STAT1: variants seen among roughly 807,000 people sequenced by gnomAD.
STAT1 encodes signal transducer and activator of transcription 1.
In STAT1, 24 loss-of-function variants were observed where a neutral mutation model predicts 111.7. That is an observed-to-expected ratio of 0.21 (90% confidence interval 0.16 to 0.30). The LOEUF (loss-of-function observed/expected upper bound fraction) is 0.30. Among genes scored for constraint, STAT1 ranks in the 10% least tolerant of loss-of-function variants. The pLI, the probability that STAT1 is intolerant of heterozygous loss-of-function variation, is 1.00. For missense variants in STAT1, 351 were observed against 911.9 expected (o/e 0.38, Z 7.92); for synonymous variants, 332 against 326.5 (o/e 1.02, Z -0.18).
In STAT1 at chr2:190,971,736, G is replaced by A. The variant is rs941439588; in HGVS notation, c.2239-1019C>T. 6.6e-6 allele frequency among the ~76,000 whole-genome samples: 1 copy of A among 150,960 alleles called. No homozygotes were observed. Among genetic ancestry groups the A allele is most frequent in the Non-Finnish European group, 1.5e-5 (1 of 67,818 alleles). Reference sequence around the variant, plus strand: ...TCTTTTTTTTTTTCAAATTGGAGACGGAGTCTTCCTCTGTTGCCCAGACTG... The same window carrying A: ...TCTTTTTTTTTTTCAAATTGGAGACAGAGTCTTCCTCTGTTGCCCAGACTG... On this transcript the variant is annotated intron_variant, in intron 24 of 24. Transcript: ENST00000361099. The surrounding 1 kb of genome is among the most constrained non-coding windows in gnomAD (Gnocchi z 4.1).
rs537274945 is a variant in STAT1 at position 190,986,638 on chromosome 2, A to G, written c.1221+216T>C. Among the ~76,000 whole-genome samples, 2 of 152,366 alleles carry G rather than the reference A, an allele frequency of 1.3e-5. No individual in the cohort carries two copies. Among genetic ancestry groups the G allele is most frequent in the South Asian group, 4.1e-4 (2 of 4,830 alleles). ...CAGGCTTAGGAAATATTTTTACTGC[A>G]AGTGATACAGCCCAGAAAACAGAGT... On this transcript the variant is annotated intron_variant, in intron 14 of 24. Transcript: ENST00000361099. The surrounding 1 kb of genome is among the most constrained non-coding windows in gnomAD (Gnocchi z 5.0).
rs897266115 is a variant in STAT1 at position 191,007,335 on chromosome 2, A to G, written c.372+228T>C. Among the ~76,000 whole-genome samples the G allele has an allele frequency of 6.6e-6, 1 of 152,184 alleles. No individual in the cohort carries two copies. The highest frequency in any genetic ancestry group is 2.4e-5 in the African/African-American group (1 of 41,430). ...TTCTCAGCACTTTATGCTACCCAGA[A>G]GTATCTTGTTTATATGTTCTCTCTC... On this transcript the variant is annotated intron_variant, in intron 5 of 24. Coordinates refer to ENST00000361099, the MANE Select transcript of STAT1 (RefSeq NM_007315.4). This position sits in a 1 kb window ranked among gnomAD's most constrained non-coding sequence, Gnocchi z 4.2.
At chr2:191,008,942 A>C in intron 4 of STAT1, 21 bp downstream of exon 4, 2 of 1,612,696 alleles carry the variant, frequency 1.2e-6, no homozygotes, top group Non-Finnish European at 1.7e-6. Flanking sequence ...TTTCAACTAA[A>C]ATACAAAAAC....
chr2:190,976,765 G>T lies in STAT1; in HGVS notation c.2059+75C>A. 2 of 1,311,898 alleles carry T rather than the reference G, an allele frequency of 1.5e-6. No homozygotes were observed. Among genetic ancestry groups the T allele is most frequent in the Admixed American group, 3.4e-5 (2 of 58,772 alleles). 81.3% of individuals were successfully genotyped at this position (1,311,898 alleles called of 1,614,324 possible). On this transcript the variant is annotated intron_variant, in intron 22 of 24. Transcript: ENST00000361099. The surrounding 1 kb of genome is among the most constrained non-coding windows in gnomAD (Gnocchi z 6.0). ...AATTCGAAAGCAAAACACTGCATGG[G>T]TGGAGTTTCAGAATAATCACCCCCT...
At position 191,006,461 on chromosome 2, in the gene STAT1, G is replaced by A. The variant is rs1694708433; in HGVS notation, c.372+1102C>T. The stretch of plus-strand genomic sequence containing the variant: ...GAACTATACGCCTAGGGAAGTGACA[G>A]GATTACAAGGACTGGGACAAATGCT... On this transcript the variant is annotated intron_variant, in intron 5 of 24. Transcript: ENST00000361099. The surrounding 1 kb of genome is among the most constrained non-coding windows in gnomAD (Gnocchi z 4.6). 6.6e-6 allele frequency among the ~76,000 whole-genome samples: 1 copy of A among 152,214 alleles called. No homozygotes were observed. Among genetic ancestry groups the A allele is most frequent in the Non-Finnish European group, 1.5e-5 (1 of 68,030 alleles).
At chr2:190,972,751 T>C (rs1691596392) in intron 24 of STAT1, among the ~76,000 whole-genome samples, 1 of 151,654 alleles carries the variant, frequency 6.6e-6, no homozygotes, top group Admixed American at 6.6e-5. Context: ...TTTTTTATAT[T>C]ATAGCCTCTT....
rs895284808 is a variant in STAT1, at chr2:190,995,592, T to C, written c.786-373A>G. 1.3e-5 allele frequency among the ~76,000 whole-genome samples: 2 copies of C among 152,068 alleles called. No individual in the cohort carries two copies. The highest frequency in any genetic ancestry group is 2.9e-5 in the Non-Finnish European group (2 of 68,020). On this transcript the variant is annotated intron_variant, in intron 9 of 24. Coordinates refer to ENST00000361099, the MANE Select transcript of STAT1 (RefSeq NM_007315.4). This position sits in a 1 kb window ranked among gnomAD's most constrained non-coding sequence, Gnocchi z 4.2. ...TCCACCTGGCCCTGCCCTTGACACA[T>C]GGGGATTATTACAATTCAAGGTGAG...
rs185230845 is a variant in STAT1 at position 191,002,119 on chromosome 2, T to C, written c.373-956A>G. Among the ~76,000 whole-genome samples the C allele has an allele frequency of 2.5e-3, 379 of 152,338 alleles. 1 individual carries two copies. Among genetic ancestry groups the C allele is most frequent in the African/African-American group, 8.8e-3 (367 of 41,576 alleles). On this transcript the variant is annotated intron_variant, in intron 5 of 24. Transcript: ENST00000361099. ...ACATTACATCATTCACTCATTTCCC[T>C]AGCACTTGCAAGGTTTCCTTTTTTT...
In STAT1 at chr2:190,983,490, T is replaced by C. The variant is rs1692545371; in HGVS notation, c.1446+152A>G. The C allele has an allele frequency of 2.1e-5, 16 of 768,446 alleles. No homozygotes were observed. In the South Asian group the frequency reaches 2.2e-4, roughly 11 times the overall value. The allele number at this position is 768,446 out of a possible 1,614,324, so 47.6% of individuals were successfully genotyped here. A position where few individuals can be genotyped will look rare whatever the true frequency, so the allele number is the denominator to read the frequency against. On this transcript the variant is annotated intron_variant, in intron 17 of 24. Transcript: ENST00000361099. This position sits in a 1 kb window ranked among gnomAD's most constrained non-coding sequence, Gnocchi z 5.7. ...TTCAAATACATATCCATGCTTCATATTCCCAGATTTACTCAAAAGCCTTAG... is the reference window on the plus strand; with the variant it reads ...TTCAAATACATATCCATGCTTCATACTCCCAGATTTACTCAAAAGCCTTAG...
chr2:190,979,671 T>C lies in STAT1; in HGVS notation c.1727+101A>G. The C allele has an allele frequency of 1.0e-6, 1 of 957,206 alleles. No homozygotes were observed. Among genetic ancestry groups the C allele is most frequent in the Non-Finnish European group, 1.7e-6 (1 of 590,232 alleles). 59.3% of individuals were successfully genotyped at this position (957,206 alleles called of 1,614,324 possible). A position where few individuals can be genotyped will look rare whatever the true frequency, so the allele number is the denominator to read the frequency against. The stretch of plus-strand genomic sequence containing the variant: ...CCTATAAATGCGCACTCCTGTGAGA[T>C]TCACACACGCCTAGTCAAATACTGA... On this transcript the variant is annotated intron_variant, in intron 20 of 24. Transcript: ENST00000361099. This position sits in a 1 kb window ranked among gnomAD's most constrained non-coding sequence, Gnocchi z 5.8.
In STAT1 at chr2:190,973,544, A is replaced by G. The variant is rs993542826; in HGVS notation, c.2238+1286T>C. ...TTTGCTCAGGAACAACAAAGGAGGT[A>G]TAAAAAATCCCCCCATTTTACAGTT... On this transcript the variant is annotated intron_variant, in intron 24 of 24. Coordinates refer to ENST00000361099, the MANE Select transcript of STAT1 (RefSeq NM_007315.4). The surrounding 1 kb of genome is among the most constrained non-coding windows in gnomAD (Gnocchi z 4.4). 1.3e-5 allele frequency among the ~76,000 whole-genome samples: 2 copies of G among 152,206 alleles called. No individual in the cohort carries two copies. The highest frequency in any genetic ancestry group is 4.8e-5 in the African/African-American group (2 of 41,458).
rs1200784895 is a variant in STAT1 at position 190,987,205 on chromosome 2, G to A, written c.1098-137C>T. On this transcript the variant is annotated intron_variant, in intron 12 of 24. Coordinates refer to ENST00000361099, the MANE Select transcript of STAT1 (RefSeq NM_007315.4). The surrounding 1 kb of genome is among the most constrained non-coding windows in gnomAD (Gnocchi z 4.0). ...ATAAATCTACACCTATGGATTTGCA[G>A]CCTTTCATTCACTCCCTGCTTCCAT... The A allele has an allele frequency of 5.5e-6, 4 of 728,828 alleles. No individual in the cohort carries two copies. The highest frequency in any genetic ancestry group is 9.4e-6 in the Non-Finnish European group (4 of 427,082). The allele number at this position is 728,828 out of a possible 1,614,324, so 45.1% of individuals were successfully genotyped here. A position where few individuals can be genotyped will look rare whatever the true frequency, so the allele number is the denominator to read the frequency against.
Position 190,973,779 on chromosome 2 carries a change from GAAAGTGTAGGAAGGTAC to G in STAT1, c.2238+1034_2238+1050del, listed in dbSNP as rs1158115792. Among the ~76,000 whole-genome samples, 2 of 152,152 alleles carry G rather than the reference GAAAGTGTAGGAAGGTAC, an allele frequency of 1.3e-5. No homozygotes were observed. The highest frequency in any genetic ancestry group is 2.9e-5 in the Non-Finnish European group (2 of 68,024). ...GGCCTATTTCGTCAACAACAATCAGGAAAGTGTAGGAAGGTACAATCTCTAATGATTGTAGCCCGTGC... is the reference window on the plus strand; with the variant it reads ...GGCCTATTTCGTCAACAACAATCAGGAATCTCTAATGATTGTAGCCCGTGC... On this transcript the variant is annotated intron_variant, in intron 24 of 24. Coordinates refer to ENST00000361099, the MANE Select transcript of STAT1 (RefSeq NM_007315.4). This position sits in a 1 kb window ranked among gnomAD's most constrained non-coding sequence, Gnocchi z 4.4.
Position 190,973,645 on chromosome 2 carries a change from G to A in STAT1, c.2238+1185C>T, listed in dbSNP as rs1243970167. ...TGTGCCAGGCCTATAGCAGTGTTGG[G>A]AGCGAAACTCTAGCAGGATCCTTCT... On this transcript the variant is annotated intron_variant, in intron 24 of 24. Coordinates refer to ENST00000361099, the MANE Select transcript of STAT1 (RefSeq NM_007315.4). This position sits in a 1 kb window ranked among gnomAD's most constrained non-coding sequence, Gnocchi z 4.4. 1.3e-5 allele frequency among the ~76,000 whole-genome samples: 2 copies of A among 152,132 alleles called. No homozygotes were observed. Among genetic ancestry groups the A allele is most frequent in the African/African-American group, 4.8e-5 (2 of 41,430 alleles).
At chr2:191,011,292 C>T (rs1199773651) in intron 2 of STAT1, among the ~76,000 whole-genome samples, 1 of 152,186 alleles carries the variant, frequency 6.6e-6, no homozygotes, top group African/African-American at 2.4e-5. Flanking sequence ...GGCTGTCTCC[C>T]TCCCTGCTTG....
chr2:191,002,686 C>T (rs545018389), intron 5 of STAT1, among the ~76,000 whole-genome samples: 3 of 152,174 alleles, frequency 2.0e-5, no homozygotes, highest in Admixed American at 1.3e-4. Flanking sequence ...ACCACCAATA[C>T]GATGCTAAAT....
rs925467206 is a variant in STAT1, at chr2:190,996,535, G to A, written c.786-1316C>T. Among the ~76,000 whole-genome samples, 10 of 152,090 alleles carry A rather than the reference G, an allele frequency of 6.6e-5. No homozygotes were observed. The highest frequency in any genetic ancestry group is 1.3e-4 in the Admixed American group (2 of 15,276). ...ACAAGAGGCTCCTGTGGTCTAGGAG[G>A]ACCACTAGGGGGCTCTAAACACCCC... is the stretch of plus-strand genomic sequence containing the variant. On this transcript the variant is annotated intron_variant, in intron 9 of 24. Coordinates refer to ENST00000361099, the MANE Select transcript of STAT1 (RefSeq NM_007315.4). This position sits in a 1 kb window ranked among gnomAD's most constrained non-coding sequence, Gnocchi z 4.5.
rs1692196490 is a variant in STAT1 at position 190,979,594 on chromosome 2, G to A, written c.1727+178C>T. Reference sequence around the variant, plus strand: ...CAATACATATACTTGTACTAAGAAAGTGTAAGGTTAATGTTATGAGGTTCT... The same window carrying A: ...CAATACATATACTTGTACTAAGAAAATGTAAGGTTAATGTTATGAGGTTCT... On this transcript the variant is annotated intron_variant, in intron 20 of 24. Transcript: ENST00000361099. This position sits in a 1 kb window ranked among gnomAD's most constrained non-coding sequence, Gnocchi z 5.8. Among the ~76,000 whole-genome samples, 3 of 151,152 alleles carry A rather than the reference G, an allele frequency of 2.0e-5. No homozygotes were observed. In the South Asian group the frequency reaches 6.4e-4, roughly 32 times the overall value.
At chr2:191,010,826 A>G (rs1477985382) in intron 2 of STAT1, among the ~76,000 whole-genome samples, 1 of 152,266 alleles carries the variant, frequency 6.6e-6, no homozygotes, top group East Asian at 1.9e-4. Flanking sequence ...AGCTTTTTGG[A>G]TAACTGTTAA....
Sources: allele counts gnomAD v4.1 joint callset (sites outside exome capture counted in the v4.1 genomes callset), GRCh38; gene constraint gnomAD v4.1.1; non-coding constraint Gnocchi (gnomAD v3.1); transcripts MANE v1.5; gene names NCBI Gene and HGNC (gene_info 2026-07-23, HGNC 2026-07-21).